XRCC4: variants seen among roughly 807,000 people sequenced by gnomAD.
The protein encoded by XRCC4 is X-ray repair cross complementing 4.
Under a neutral mutation model 39.1 loss-of-function variants are expected in XRCC4, and 28 were observed. The ratio of observed to expected loss-of-function variants is 0.72; its 90% confidence interval spans 0.53 to 0.98. The LOEUF is 0.98. XRCC4 is among the 50% of genes least tolerant of loss of function. XRCC4 has a pLI of 0.00. For missense variants in XRCC4, 350 were observed against 376.4 expected, an observed-to-expected ratio of 0.93 and a Z score of 0.58; for synonymous variants, 123 against 126.4, an observed-to-expected ratio of 0.97 and a Z score of 0.18.
chr5:83,299,586 G>C (rs1263420581), intron 7 of XRCC4, among the ~76,000 whole-genome samples: 1 of 151,780 alleles, frequency 6.6e-6, no homozygotes, highest in Non-Finnish European at 1.5e-5. Context: ...TTTTATGTTT[G>C]TTACTCTGAC....
At chr5:83,176,396 A>G (rs1749958829) in intron 3 of XRCC4, among the ~76,000 whole-genome samples, 1 of 152,130 alleles carries the variant, frequency 6.6e-6, no homozygotes, top group Non-Finnish European at 1.5e-5. Context: ...GCCACCTCTT[A>G]TGTACCCATA....
At chr5:83,118,401 A>C (rs1160490167) in intron 3 of XRCC4, among the ~76,000 whole-genome samples, 1 of 151,982 alleles carries the variant, frequency 6.6e-6, no homozygotes, top group Non-Finnish European at 1.5e-5. Flanking sequence ...ACTTAGGCTC[A>C]CAAGAACCTC....
intron 7 of XRCC4, among the ~76,000 whole-genome samples, chr5:83,336,995 C>T (rs1273682905): frequency 6.6e-6 from 1 of 151,918 alleles, no homozygotes. Flanking sequence ...CATTTCTGAG[C>T]CAAAAATAAG....
intron 6 of XRCC4, among the ~76,000 whole-genome samples, chr5:83,207,139 C>T (rs567821363): frequency 6.6e-6 from 1 of 152,184 alleles, no homozygotes; most frequent in East Asian, 1.9e-4. Context: ...TGTACTCTTT[C>T]CAGTTTAAAC....
intron 6 of XRCC4, among the ~76,000 whole-genome samples, chr5:83,233,707 G>A (rs989644635): frequency 6.7e-6 from 1 of 148,786 alleles, no homozygotes; most frequent in African/African-American, 2.5e-5. Context: ...GGCCAACATA[G>A]TGAAACCCTG....
intron 6 of XRCC4, among the ~76,000 whole-genome samples, chr5:83,234,598 T>A (rs548743013): frequency 1.1e-3 from 175 of 152,288 alleles, no homozygotes; most frequent in Non-Finnish European, 2.1e-3. Flanking sequence ...TAGTATTCGA[T>A]AATTCTGCTT....
intron 6 of XRCC4, among the ~76,000 whole-genome samples, chr5:83,231,588 CTT>C (rs1346323257): frequency 3.9e-5 from 6 of 152,114 alleles, no homozygotes; most frequent in Middle Eastern, 3.4e-3. Flanking sequence ...CATTTGGACT[CTT>C]ATCGTTATTA....
At chr5:83,188,557 T>C (rs758153362) in intron 3 of XRCC4, among the ~76,000 whole-genome samples, 1 of 152,112 alleles carries the variant, frequency 6.6e-6, no homozygotes, top group Non-Finnish European at 1.5e-5. Flanking sequence ...TGATTCTGCA[T>C]GCCATACAAG....
At chr5:83,313,684 G>A (rs1008259417) in intron 7 of XRCC4, among the ~76,000 whole-genome samples, 20 of 152,210 alleles carry the variant, frequency 1.3e-4, no homozygotes, top group African/African-American at 4.8e-4. Flanking sequence ...TTTTGCACGA[G>A]CATTCCTCTG....
At chr5:83,097,126 G>A (rs1217030087) in intron 1 of XRCC4, among the ~76,000 whole-genome samples, 1 of 152,154 alleles carries the variant, frequency 6.6e-6, no homozygotes, top group Non-Finnish European at 1.5e-5. Flanking sequence ...ATTCAGAGAT[G>A]TGGTCAAAAA....
rs59326460 is a variant in XRCC4, at chr5:83,309,266, CAAAAAAAAAAAAAAAAA to C, written c.894-43850_894-43834del. On this transcript the variant is annotated intron_variant, in intron 7 of 7. Coordinates refer to ENST00000396027, the MANE Select transcript of XRCC4 (RefSeq NM_003401.5). ...TGGGTGACAGAGCGAGACTCCGTCT[CAAAAAAAAAAAAAAAAA>C]AAAAAAAAAAAAAATATATATATAT... 5.8e-4 allele frequency among the ~76,000 whole-genome samples: 10 copies of C among 17,388 alleles called. No individual in the cohort carries two copies. In the South Asian group the frequency reaches 0.068, roughly 117 times the overall value. The allele number at this position is 17,388 out of a possible 152,430, so 11.4% of individuals were successfully genotyped here.
chr5:83,120,055 CAG>C (rs934489596), intron 3 of XRCC4, among the ~76,000 whole-genome samples: 2 of 142,294 alleles, frequency 1.4e-5, no homozygotes, highest in African/African-American at 5.9e-5. Flanking sequence ...AATAAAAAAC[CAG>C]AAGTAGAAAA....
At chr5:83,368,064 T>G in the XRCC4 span, among the ~76,000 whole-genome samples, 1 of 143,930 alleles carries the variant, frequency 6.9e-6, no homozygotes, top group Non-Finnish European at 1.5e-5. Flanking sequence ...ATCTCTACAC[T>G]GAACCCCAAT....
At chr5:83,116,912 G>C (rs1308474278) in intron 3 of XRCC4, among the ~76,000 whole-genome samples, 1 of 151,998 alleles carries the variant, frequency 6.6e-6, no homozygotes, top group East Asian at 1.9e-4. Flanking sequence ...ATGAGTCACT[G>C]TGCCCAGCCA....
chr5:83,219,902 T>C (rs1752015823), intron 6 of XRCC4, among the ~76,000 whole-genome samples: 1 of 152,150 alleles, frequency 6.6e-6, no homozygotes, highest in South Asian at 2.1e-4. Context: ...TTATATGAAA[T>C]ATATATATTC....
At chr5:83,307,154 CA>C (rs1208532895) in intron 7 of XRCC4, among the ~76,000 whole-genome samples, 1 of 152,206 alleles carries the variant, frequency 6.6e-6, no homozygotes, top group Non-Finnish European at 1.5e-5. Context: ...TGCTAACAGA[CA>C]AATTCTCTAA....
At chr5:83,320,248 C>T (rs924050374) in intron 7 of XRCC4, among the ~76,000 whole-genome samples, 1 of 146,800 alleles carries the variant, frequency 6.8e-6, no homozygotes, top group African/African-American at 2.5e-5. Context: ...GGGAGATATA[C>T]CTAATGATAG....
chr5:83,332,270 A>AAG (rs149698378), intron 7 of XRCC4, among the ~76,000 whole-genome samples: 10 of 128,632 alleles, frequency 7.8e-5, no homozygotes, highest in South Asian at 2.4e-4. Context: ...CACACACAGA[A>AAG]AGAGAGAGAG....
chr5:83,144,265 C>CTG (rs1378988695), intron 3 of XRCC4, among the ~76,000 whole-genome samples: 1 of 68,930 alleles, frequency 1.5e-5, no homozygotes, highest in East Asian at 3.9e-4. Context: ...AGTAATATTC[C>CTG]TCTGTGTGTG....
Sources: gnomAD v4.1 joint callset for allele counts (sites outside exome capture counted in the v4.1 genomes callset) on GRCh38, gnomAD v4.1.1 for gene constraint, MANE v1.5 for transcripts, NCBI Gene and HGNC (gene_info 2026-07-23, HGNC 2026-07-21) for gene names.